The following RGPD1 variants were observed in gnomAD, a reference collection of about 807,000 sequenced individuals.
RGPD1 encodes RANBP2-like and GRIP domain-containing protein 1.
RGPD1 carries 7 observed loss-of-function variants against 40.6 expected under a neutral mutation model. That is an observed-to-expected ratio of 0.17 (90% confidence interval 0.10 to 0.32). RGPD1 has a LOEUF of 0.32. Ranked by LOEUF, RGPD1 falls within the 10% of genes least tolerant of loss-of-function variation. The pLI is 1.00. For synonymous variants in RGPD1, 24 were observed against 167.0 expected, an observed-to-expected ratio of 0.14 and a Z score of 6.60; for missense variants, 50 against 472.5, an observed-to-expected ratio of 0.11 and a Z score of 8.29.
chr2:86,929,736 A>C (rs1187154105), intron 1 of RGPD1, among the ~76,000 whole-genome samples: 8 of 111,384 alleles, frequency 7.2e-5, no homozygotes, highest in African/African-American at 2.7e-4. Flanking sequence ...ACGTCTCTTT[A>C]ATGAGATCAA....
At position 86,997,106 on chromosome 2, in the gene RGPD1, G is replaced by T. The variant is rs1199587093; in HGVS notation, c.5041-457G>T. 1.3e-5 allele frequency among the ~76,000 whole-genome samples: 2 copies of T among 149,788 alleles called. 1 individual carries two copies. Among genetic ancestry groups the T allele is most frequent in the African/African-American group, 5.0e-5 (2 of 39,612 alleles). On this transcript the variant is annotated intron_variant, in intron 21 of 22. Coordinates refer to ENST00000641458, the MANE Select transcript of RGPD1 (RefSeq NM_001382344.1). The stretch of plus-strand genomic sequence containing the variant: ...CCTCTCCTCTTGTCAGTGATACTTG[G>T]TAAGCTGCTGGACTGACTCATTTCC...
At position 86,942,254 on chromosome 2, in the gene RGPD1, C is replaced by T. The variant is rs910651529; in HGVS notation, c.18C>T (p.Ala6=). The change falls in exon 1 of 23, where the codon GCC becomes GCT. Residue 6 remains alanine (A), a synonymous_variant. Transcript: ENST00000641458. ...GCGGTGCGATGAGGCGCAGCAAGGC[C>T]TACGGGGAGCGGTACGTCGCCTCGG... MRRSK[A]YGERYVASVQ... is the part of the protein sequence containing the mutation. 5.4e-4 allele frequency: 864 copies of T among 1,607,014 alleles called. No homozygotes were observed. Among genetic ancestry groups the T allele is most frequent in the Non-Finnish European group, 7.0e-4 (830 of 1,177,834 alleles).
chr2:86,918,502 T>C (rs1283077584), intron 1 of RGPD1, among the ~76,000 whole-genome samples: 7 of 125,854 alleles, frequency 5.6e-5, no homozygotes, highest in South Asian at 2.8e-4. Flanking sequence ...CTCTGTCACC[T>C]AGGCTGGAGT....
chr2:86,914,018 G>GGCGGCGGC (rs1677583626), intron 1 of RGPD1: 1 of 333,672 alleles, frequency 3.0e-6, no homozygotes, highest in African/African-American at 1.6e-4. Flanking sequence ...CGGCCTGGCC[G>GGCGGCGGC]GGCGGCGGCG....
At chr2:86,923,012 A>T in intron 1 of RGPD1, among the ~76,000 whole-genome samples, 2 of 100,522 alleles carry the variant, frequency 2.0e-5, no homozygotes, top group Admixed American at 1.1e-4. Flanking sequence ...TCTCAATCGT[A>T]TCAGGTTCCA....
chr2:86,931,988 T>A (rs555968553), intron 1 of RGPD1, among the ~76,000 whole-genome samples: 2 of 147,618 alleles, frequency 1.4e-5, no homozygotes, highest in African/African-American at 4.9e-5. Flanking sequence ...ATATTCATAT[T>A]ATATATATAT....
intron 1 of RGPD1, among the ~76,000 whole-genome samples, chr2:86,928,591 A>G (rs902936987): frequency 6.6e-6 from 1 of 152,166 alleles, no homozygotes; most frequent in Non-Finnish European, 1.5e-5. Flanking sequence ...TGGATTGTGG[A>G]TATGGTTTGA....
At chr2:86,923,804 C>CTTTTATGGTTAGT (rs1678236399) in intron 1 of RGPD1, among the ~76,000 whole-genome samples, 1 of 84,018 alleles carries the variant, frequency 1.2e-5, no homozygotes, top group African/African-American at 4.7e-5. Context: ...GGCCTGGCCC[C>CTTTTATGGTTAGT]TCTTGCTGTT....
At chr2:86,929,363 C>G (rs530392292) in intron 1 of RGPD1, among the ~76,000 whole-genome samples, 2 of 151,846 alleles carry the variant, frequency 1.3e-5, no homozygotes, top group South Asian at 4.2e-4. Context: ...TGCATTGATG[C>G]CCCCGGAGTT....
At chr2:86,945,207 T>C (rs1346006481) in intron 1 of RGPD1, among the ~76,000 whole-genome samples, 1 of 152,084 alleles carries the variant, frequency 6.6e-6, no homozygotes, top group South Asian at 2.1e-4. Context: ...GAGGATTGGT[T>C]ATTATGACCA....
At chr2:86,926,817 G>C (rs962355627) in intron 1 of RGPD1, among the ~76,000 whole-genome samples, 6 of 151,982 alleles carry the variant, frequency 3.9e-5, no homozygotes, top group Non-Finnish European at 8.8e-5. Context: ...AAGAACCCAG[G>C]TATTATTATT....
chr2:86,918,302 A>G (rs1677868569), intron 1 of RGPD1, among the ~76,000 whole-genome samples: 1 of 150,638 alleles, frequency 6.6e-6, no homozygotes, highest in Admixed American at 6.6e-5. Context: ...TGGTGTCTTC[A>G]GTATTGGTGA....
At chr2:86,943,007 G>A (rs1430202557) in intron 1 of RGPD1, among the ~76,000 whole-genome samples, 1 of 151,706 alleles carries the variant, frequency 6.6e-6, no homozygotes, top group Non-Finnish European at 1.5e-5. Context: ...GTGCTGTATC[G>A]GCGGGTTTCT....
intron 1 of RGPD1, among the ~76,000 whole-genome samples, chr2:86,933,391 A>G (rs1358276587): frequency 6.6e-6 from 1 of 150,728 alleles, no homozygotes; most frequent in Admixed American, 6.6e-5. Context: ...TTTGTTTAGT[A>G]TAAATAATAC....
At chr2:86,918,502 T>G (rs1283077584) in intron 1 of RGPD1, among the ~76,000 whole-genome samples, 1 of 125,790 alleles carries the variant, frequency 7.9e-6, no homozygotes, top group Admixed American at 8.2e-5. Flanking sequence ...CTCTGTCACC[T>G]AGGCTGGAGT....
At chr2:86,943,351 TC>T (rs1337838443) in intron 1 of RGPD1, among the ~76,000 whole-genome samples, 1 of 140,598 alleles carries the variant, frequency 7.1e-6, no homozygotes, top group Non-Finnish European at 1.5e-5. Context: ...TTCTTACAAA[TC>T]GTTAGTATGG....
intron 1 of RGPD1, among the ~76,000 whole-genome samples, chr2:86,919,483 C>T (rs948902197): frequency 1.7e-5 from 2 of 116,944 alleles, no homozygotes; most frequent in Admixed American, 7.7e-5. Context: ...TGCCATGTGA[C>T]CTAGCCCTTG....
At chr2:86,943,344 T>C (rs1680066799) in intron 1 of RGPD1, among the ~76,000 whole-genome samples, 1 of 144,664 alleles carries the variant, frequency 6.9e-6, no homozygotes, top group African/African-American at 2.6e-5. Flanking sequence ...TCTAAAGTTC[T>C]TACAAATCGT....
At chr2:86,930,445 C>T (rs1678852088) in intron 1 of RGPD1, 6 of 1,462,128 alleles carry the variant, frequency 4.1e-6, no homozygotes, top group Non-Finnish European at 5.7e-6. Context: ...GGACCAGCCC[C>T]ATGGCATGCC....
Sources: gnomAD v4.1 joint callset for allele counts (sites outside exome capture counted in the v4.1 genomes callset) on GRCh38, gnomAD v4.1.1 for gene constraint, MANE v1.5 for transcripts, NCBI Gene and HGNC (gene_info 2026-07-23, HGNC 2026-07-21) for gene names.